Variants in NRL observed in about 807,000 individuals in gnomAD.
NRL encodes neural retina leucine zipper, also known as neural retina-specific leucine zipper protein.
A neutral mutation model predicts 12.5 loss-of-function variants in NRL; 16 were observed. That is an observed-to-expected ratio of 1.28 (90% CI 0.87 to 1.95). NRL has a LOEUF of 1.95. Ranked by LOEUF, NRL falls within the 30% of genes most tolerant of loss-of-function variation. NRL has a pLI of 0.00. For missense variants in NRL, 314 were observed against 325.8 expected, an observed-to-expected ratio of 0.96 and a Z score of 0.28; for synonymous variants, 142 against 150.9, an observed-to-expected ratio of 0.94 and a Z score of 0.43.
chr14:24,083,561 G>A (rs2036384526), intron 1 of NRL, among the ~76,000 whole-genome samples: 1 of 152,204 alleles, frequency 6.6e-6, no homozygotes, highest in Non-Finnish European at 1.5e-5. Flanking sequence ...AAGGGGAACA[G>A]ACCAAGATTG....
At position 24,081,146 on chromosome 14, in the gene NRL, T is replaced by A. The variant is rs1594244912; in HGVS notation, c.*90A>T. On this transcript the variant is annotated 3_prime_UTR_variant, in exon 3 of 3. Coordinates refer to ENST00000561028, the MANE Select transcript of NRL (RefSeq NM_001354768.3). The surrounding 1 kb of genome is among the most constrained non-coding windows in gnomAD (Gnocchi z 4.4). ...GGGCGTGGCTAGGACCAGAAGGCGC[T>A]CTGGTAACGATGCAGAGAACCGTGC... The A allele has an allele frequency of 1.1e-6, 1 of 943,134 alleles. No homozygotes were observed. The highest frequency in any genetic ancestry group is 3.3e-5 in the East Asian group (1 of 30,084). 58.4% of individuals were successfully genotyped at this position (943,134 alleles called of 1,614,324 possible). A position where few individuals can be genotyped will look rare whatever the true frequency, so the allele number is the denominator to read the frequency against.
rs947860733 is a variant in NRL, at chr14:24,079,119, A to G, written c.*2117T>C. Among the ~76,000 whole-genome samples, 51 of 150,674 alleles carry G rather than the reference A, an allele frequency of 3.4e-4. No individual in the cohort carries two copies. Among genetic ancestry groups the G allele is most frequent in the Admixed American group, 1.8e-3 (28 of 15,234 alleles). On this transcript the variant is annotated 3_prime_UTR_variant, in exon 3 of 3. Coordinates refer to ENST00000561028, the MANE Select transcript of NRL (RefSeq NM_001354768.3). ...CTACTCTTAATCACCACAGTGTGCA[A>G]CTTTGTTTTTTTAAGTATACTCAGG...
Position 24,094,435 on chromosome 14 carries a change from G to A in NRL, c.-27-11560C>T, listed in dbSNP as rs1372445125. 1.0e-5 allele frequency: 16 copies of A among 1,548,342 alleles called. No homozygotes were observed. Among genetic ancestry groups the A allele is most frequent in the Middle Eastern group, 1.8e-4 (1 of 5,592 alleles). Reference sequence around the variant, plus strand: ...CCGCATTGTACCGCCCTGGCCTGCGGTGAGTGACCCCCGGCCCGGGGCCCA... The same window carrying A: ...CCGCATTGTACCGCCCTGGCCTGCGATGAGTGACCCCCGGCCCGGGGCCCA... On this transcript the variant is annotated intron_variant, in intron 1 of 2. Transcript: ENST00000561028. The surrounding 1 kb of genome is among the most constrained non-coding windows in gnomAD (Gnocchi z 4.1).
At position 24,099,184 on chromosome 14, in the gene NRL, G is replaced by A. The variant is rs761133921; in HGVS notation, c.-28+15538C>T. 142 of 1,607,226 alleles carry A rather than the reference G, an allele frequency of 8.8e-5. 2 individuals carry two copies. In the East Asian group the frequency reaches 1.6e-3, roughly 18 times the overall value. ...CTGGGCAAGAAGTGCTTTGCCCTAC[G>A]CATCGCCTCTCGGCTGGCCCGGGAT... On this transcript the variant is annotated intron_variant, in intron 1 of 2. Transcript: ENST00000561028.
intron 1 of NRL, among the ~76,000 whole-genome samples, chr14:24,109,559 A>G (rs1401923469): frequency 6.6e-6 from 1 of 151,986 alleles, no homozygotes; most frequent in Non-Finnish European, 1.5e-5. Flanking sequence ...TTAGCCGGGC[A>G]TGGTGGCGGG....
chr14:24,096,892 G>A (rs2036909122), intron 1 of NRL: 1 of 1,612,154 alleles, frequency 6.2e-7, no homozygotes, highest in Non-Finnish European at 8.5e-7. Flanking sequence ...TCTCCTATAG[G>A]CTTAACTGGC....
Position 24,114,722 on chromosome 14 carries a change from C to G in NRL, c.-28G>C. ...GCACCTCGCGCATTCTCCCGCCTAC[C>G]TATCAATCATCGTGCTCCGCTGTCC... On this transcript the variant is annotated splice_region_variant and 5_prime_UTR_variant, in exon 1 of 3. Coordinates refer to ENST00000561028, the MANE Select transcript of NRL (RefSeq NM_001354768.3). The G allele has an allele frequency of 1.0e-6, 1 of 986,016 alleles. No individual in the cohort carries two copies. The allele number at this position is 986,016 out of a possible 1,614,324, so 61.1% of individuals were successfully genotyped here.
chr14:24,105,693 C>A (rs762713312), intron 1 of NRL, among the ~76,000 whole-genome samples: 3 of 152,182 alleles, frequency 2.0e-5, no homozygotes, highest in Non-Finnish European at 4.4e-5. Context: ...CCAAGGAGGG[C>A]GGATCACCTG....
intron 1 of NRL, among the ~76,000 whole-genome samples, chr14:24,111,636 G>A (rs1291468649): frequency 1.3e-5 from 2 of 152,078 alleles, no homozygotes; most frequent in Admixed American, 6.5e-5. Context: ...CAAAGTGCTG[G>A]GATTACAGGC....
chr14:24,103,932 G>A (rs767241329), intron 1 of NRL: 1 of 1,614,034 alleles, frequency 6.2e-7, no homozygotes, highest in Non-Finnish European at 8.5e-7. Flanking sequence ...GGCTGAGCTT[G>A]AGGCCCTGGA....
intron 1 of NRL, chr14:24,099,882 C>T (rs745893663): frequency 3.8e-6 from 6 of 1,590,690 alleles, no homozygotes; most frequent in Non-Finnish European, 5.2e-6. Flanking sequence ...AGCCTTTCCT[C>T]ATCAGATCTT....
Position 24,094,176 on chromosome 14 carries a change from G to C in NRL, c.-27-11301C>G. On this transcript the variant is annotated intron_variant, in intron 1 of 2. Transcript: ENST00000561028. The surrounding 1 kb of genome is among the most constrained non-coding windows in gnomAD (Gnocchi z 4.1). Reference sequence around the variant, plus strand: ...CAGGGGTTGGGGCGGCGGCTGGGCTGACCTGGAGCCTGGAGCCCCGGGGCC... The same window carrying C: ...CAGGGGTTGGGGCGGCGGCTGGGCTCACCTGGAGCCTGGAGCCCCGGGGCC... The C allele has an allele frequency of 1.8e-6, 1 of 557,710 alleles. No homozygotes were observed. Among genetic ancestry groups the C allele is most frequent in the South Asian group, 2.2e-5 (1 of 46,082 alleles). The allele number at this position is 557,710 out of a possible 1,614,324, so 34.5% of individuals were successfully genotyped here. A position where few individuals can be genotyped will look rare whatever the true frequency, so the allele number is the denominator to read the frequency against.
chr14:24,114,009 T>C (rs951727501), intron 1 of NRL, among the ~76,000 whole-genome samples: 3 of 152,128 alleles, frequency 2.0e-5, no homozygotes, highest in African/African-American at 7.2e-5. Flanking sequence ...GGCCTTGGAC[T>C]CAGGCTTGTT....
At chr14:24,090,388 T>G (rs569540376) in intron 1 of NRL, among the ~76,000 whole-genome samples, 16 of 151,586 alleles carry the variant, frequency 1.1e-4, no homozygotes, top group African/African-American at 3.6e-4. Flanking sequence ...GGGGCTGGGA[T>G]GGACCTTCAG....
intron 1 of NRL, chr14:24,102,811 C>T: frequency 6.2e-7 from 1 of 1,613,532 alleles, no homozygotes. Flanking sequence ...CTCGCCAGTG[C>T]CCCATCATGG....
chr14:24,098,403 G>A, intron 1 of NRL: 1 of 1,610,778 alleles, frequency 6.2e-7, no homozygotes. Context: ...CAGGGCAGGG[G>A]CACAGTGGCA....
At chr14:24,097,237 A>G in intron 1 of NRL, 1 of 1,118,216 alleles carries the variant, frequency 8.9e-7, no homozygotes, top group Non-Finnish European at 1.3e-6. Context: ...AATGGAATGA[A>G]CAAGAATGAG....
intron 1 of NRL, among the ~76,000 whole-genome samples, chr14:24,111,403 C>T (rs1043628681): frequency 2.6e-5 from 4 of 151,858 alleles, no homozygotes; most frequent in African/African-American, 9.7e-5. Context: ...GACGGAGTTT[C>T]GCTTTTGTAG....
At position 24,097,434 on chromosome 14, in the gene NRL, C is replaced by T. The variant is rs532796828; in HGVS notation, c.-27-14559G>A. ...CAAAAATTAGCCCAGCATGGCAGCG[C>T]ATGCCTGTAATCCCAGCTACTTGGG... On this transcript the variant is annotated intron_variant, in intron 1 of 2. Transcript: ENST00000561028. Among the ~76,000 whole-genome samples the T allele has an allele frequency of 5.0e-4, 75 of 151,230 alleles. 1 individual carries two copies. The highest frequency in any genetic ancestry group is 1.2e-3 in the East Asian group (6 of 5,074).
Sources: gnomAD v4.1 joint callset for allele counts (sites outside exome capture counted in the v4.1 genomes callset) on GRCh38, gnomAD v4.1.1 for gene constraint, Gnocchi (gnomAD v3.1) non-coding constraint, MANE v1.5 for transcripts, NCBI Gene and HGNC (gene_info 2026-07-23, HGNC 2026-07-21) for gene names.